The following AP1S3 variants were observed in gnomAD, a reference collection of about 807,000 sequenced individuals.
AP1S3 encodes adaptor related protein complex 1 subunit sigma 3, also known as AP-1 complex subunit sigma-3.
AP1S3 carries 10 observed loss-of-function variants against 20.9 expected under a neutral mutation model. That is an observed-to-expected ratio of 0.48 (90% CI 0.29 to 0.81). AP1S3 has a LOEUF of 0.81. Ranked by LOEUF, AP1S3 falls within the 30% of genes least tolerant of loss-of-function variation. The probability of loss-of-function intolerance (pLI) is 0.08; values close to 1 mark genes in which losing one functional copy is unlikely to be tolerated. For synonymous variants in AP1S3, 41 were observed against 61.5 expected (o/e 0.67, Z 1.56); for missense variants, 154 against 183.8 (o/e 0.84, Z 0.94).
Position 223,802,306 on chromosome 2 carries a change from T to A in AP1S3, c.4-24437A>T, listed in dbSNP as rs7575654. 8.7e-3 allele frequency among the ~76,000 whole-genome samples: 1,285 copies of A among 148,530 alleles called. 20 individuals are homozygous for A. The highest frequency in any genetic ancestry group is 0.03 in the African/African-American group (1,206 of 40,338). On this transcript the variant is annotated intron_variant, in intron 1 of 4. Transcript: ENST00000396654. ...ATTAAGAAAGCATCCAGTTTTATTT[T>A]ATTTTTTTTTTTTGGAGACAGAGTC...
intron 1 of AP1S3, among the ~76,000 whole-genome samples, chr2:223,781,539 T>A (rs1175304956): frequency 6.6e-6 from 1 of 151,786 alleles, no homozygotes; most frequent in African/African-American, 2.4e-5. Context: ...AGTTTGAGAG[T>A]AGCCTGGGAA....
At chr2:223,759,330 A>G (rs886804853) in intron 4 of AP1S3, among the ~76,000 whole-genome samples, 1 of 152,164 alleles carries the variant, frequency 6.6e-6, no homozygotes, top group African/African-American at 2.4e-5. Context: ...GCTAAAGCAA[A>G]GTTGCCAAGA....
rs142314245 is a variant in AP1S3 at position 223,796,444 on chromosome 2, G to A, written c.4-18575C>T. On this transcript the variant is annotated intron_variant, in intron 1 of 4. Transcript: ENST00000396654. ...ACTTACTTACCTTGTCTCCTTAATCGCCTGGTCTCATCAGTCACCTTTCCA... is the reference window on the plus strand; with the variant it reads ...ACTTACTTACCTTGTCTCCTTAATCACCTGGTCTCATCAGTCACCTTTCCA... Among the ~76,000 whole-genome samples, 25 of 152,072 alleles carry A rather than the reference G, an allele frequency of 1.6e-4. No individual in the cohort carries two copies. The East Asian group carries it at 3.1e-3, about 19-fold the overall frequency.
chr2:223,762,836 A>G (rs1690392784), intron 4 of AP1S3, among the ~76,000 whole-genome samples: 2 of 152,302 alleles, frequency 1.3e-5, no homozygotes, highest in South Asian at 4.1e-4. Flanking sequence ...CTTAGGGGCT[A>G]CTGAAGATTG....
At chr2:223,773,567 A>G (rs1690682627) in intron 3 of AP1S3, among the ~76,000 whole-genome samples, 1 of 152,210 alleles carries the variant, frequency 6.6e-6, no homozygotes, top group Non-Finnish European at 1.5e-5. Flanking sequence ...TCCCTGAAGC[A>G]ACATTTTAGG....
chr2:223,795,185 G>A (rs1292681814), intron 1 of AP1S3, among the ~76,000 whole-genome samples: 1 of 152,094 alleles, frequency 6.6e-6, no homozygotes, highest in Non-Finnish European at 1.5e-5. Flanking sequence ...GGAGGTAGAG[G>A]TTGCGATGAG....
chr2:223,778,658 C>G (rs539824275), intron 1 of AP1S3, among the ~76,000 whole-genome samples: 1 of 150,424 alleles, frequency 6.6e-6, no homozygotes, highest in East Asian at 2.0e-4. Flanking sequence ...GAGGCTGAAG[C>G]AAGGGGAACG....
intron 3 of AP1S3, among the ~76,000 whole-genome samples, chr2:223,768,333 A>C (rs1370881997): frequency 6.6e-6 from 1 of 152,174 alleles, no homozygotes; most frequent in Non-Finnish European, 1.5e-5. Context: ...AAAGTCAGGC[A>C]TGTGGCGATT....
chr2:223,807,858 ATTTCT>A (rs1361079011), intron 1 of AP1S3, among the ~76,000 whole-genome samples: 2 of 72,236 alleles, frequency 2.8e-5, no homozygotes, highest in Non-Finnish European at 5.7e-5. Context: ...AGTCTCAGGC[ATTTCT>A]TTTCTTTTTT....
intron 4 of AP1S3, among the ~76,000 whole-genome samples, chr2:223,763,916 CTTATTTAT>C (rs369185660): frequency 1.3e-5 from 2 of 151,984 alleles, no homozygotes; most frequent in African/African-American, 4.8e-5. Context: ...GCCAGTTTTA[CTTATTTAT>C]TTATTTATTT....
At chr2:223,788,597 CAA>C (rs550638882) in intron 1 of AP1S3, among the ~76,000 whole-genome samples, 15 of 104,008 alleles carry the variant, frequency 1.4e-4, no homozygotes, top group Admixed American at 2.9e-4. Flanking sequence ...ACTAAAAATA[CAA>C]AAAAAAAAAA....
At chr2:223,806,790 TG>T (rs1316074872) in intron 1 of AP1S3, among the ~76,000 whole-genome samples, 1 of 152,186 alleles carries the variant, frequency 6.6e-6, no homozygotes, top group Non-Finnish European at 1.5e-5. Context: ...ATTTCAGCCT[TG>T]TTCATGTTTA....
chr2:223,764,364 A>G (rs1367150288), intron 4 of AP1S3, among the ~76,000 whole-genome samples: 1 of 152,088 alleles, frequency 6.6e-6, no homozygotes, highest in East Asian at 1.9e-4. Context: ...AGCCCCTCAG[A>G]GCATCTCATT....
chr2:223,807,351 T>G (rs565808984), intron 1 of AP1S3, among the ~76,000 whole-genome samples: 1 of 152,190 alleles, frequency 6.6e-6, no homozygotes, highest in Admixed American at 6.6e-5. Context: ...TCTGGAATTC[T>G]GGACAGCTAG....
chr2:223,794,778 T>C (rs1691295961), intron 1 of AP1S3, among the ~76,000 whole-genome samples: 1 of 152,146 alleles, frequency 6.6e-6, no homozygotes, highest in Non-Finnish European at 1.5e-5. Flanking sequence ...CAAGACTATC[T>C]TTCCAAGGCT....
At chr2:223,782,076 A>G (rs967521404) in intron 1 of AP1S3, among the ~76,000 whole-genome samples, 3 of 145,464 alleles carry the variant, frequency 2.1e-5, no homozygotes. Context: ...CAGTGGCGCC[A>G]TCTTGGCTTA....
chr2:223,764,388 G>A (rs1690429760), intron 4 of AP1S3, among the ~76,000 whole-genome samples: 1 of 152,194 alleles, frequency 6.6e-6, no homozygotes, highest in South Asian at 2.1e-4. Flanking sequence ...GAGGGCAGAG[G>A]TCAGTGGGGT....
At chr2:223,792,845 A>G (rs976391678) in intron 1 of AP1S3, among the ~76,000 whole-genome samples, 1 of 152,258 alleles carries the variant, frequency 6.6e-6, no homozygotes, top group Non-Finnish European at 1.5e-5. Context: ...AATATCCAGC[A>G]TCTACAAGGA....
intron 3 of AP1S3, among the ~76,000 whole-genome samples, chr2:223,768,375 A>G (rs1220357626): frequency 6.6e-6 from 1 of 152,090 alleles, no homozygotes; most frequent in Non-Finnish European, 1.5e-5. Context: ...TTCAGATTTC[A>G]CATCACTTCC....
Sources: allele counts gnomAD v4.1 joint callset (sites outside exome capture counted in the v4.1 genomes callset), GRCh38; gene constraint gnomAD v4.1.1; transcripts MANE v1.5; gene names NCBI Gene and HGNC (gene_info 2026-07-23, HGNC 2026-07-21).